NEIL3: variants seen among roughly 807,000 people sequenced by gnomAD.
The protein encoded by NEIL3 is endonuclease 8-like 3.
A neutral mutation model predicts 57.5 loss-of-function variants in NEIL3; 48 were observed. That is an observed-to-expected ratio of 0.83 (90% CI 0.66 to 1.06). The LOEUF (loss-of-function observed/expected upper bound fraction) is 1.06, where lower values mean the gene tolerates loss of function less well. NEIL3 is among the 50% of genes least tolerant of loss of function. The pLI, the probability that NEIL3 is intolerant of heterozygous loss-of-function variation, is 0.00. For missense variants in NEIL3, 717 were observed against 739.1 expected (o/e 0.97, Z 0.35); for synonymous variants, 261 against 253.2 (o/e 1.03, Z -0.29).
chr4:177,310,194 C>A, intron 1 of NEIL3, 85 bp downstream of exon 1: 1 of 1,342,690 alleles, frequency 7.4e-7, no homozygotes, highest in Non-Finnish European at 9.8e-7. Flanking sequence ...TTTAAAGTGT[C>A]ATCTCTTTGC....
At chr4:177,313,537 AT>A (rs1389307044) in intron 1 of NEIL3, among the ~76,000 whole-genome samples, 5 of 152,234 alleles carry the variant, frequency 3.3e-5, no homozygotes, top group Non-Finnish European at 7.4e-5. Context: ...AAGAAACAAT[AT>A]TGGAATATAA....
chr4:177,338,024 T>TCTCACACACA (rs71597499), intron 4 of NEIL3, among the ~76,000 whole-genome samples: 3 of 149,368 alleles, frequency 2.0e-5, no homozygotes, highest in African/African-American at 7.4e-5. Flanking sequence ...TCTCTCTCTC[T>TCTCACACACA]CACACACACA....
At chr4:177,340,987 C>A (rs1422799937) in intron 5 of NEIL3, among the ~76,000 whole-genome samples, 1 of 151,568 alleles carries the variant, frequency 6.6e-6, no homozygotes, top group Non-Finnish European at 1.5e-5. Context: ...AAAAAAAATC[C>A]TTTTTCAGGT....
chr4:177,310,303 G>T (rs1258675323), intron 1 of NEIL3, among the ~76,000 whole-genome samples, 194 bp downstream of exon 1: 2 of 152,224 alleles, frequency 1.3e-5, no homozygotes. Context: ...GGAGAGGAGG[G>T]CTAGCGTTCT....
the NEIL3 span, among the ~76,000 whole-genome samples, chr4:177,368,203 G>A: frequency 6.6e-6 from 1 of 151,952 alleles, no homozygotes; most frequent in Non-Finnish European, 1.5e-5. Context: ...ATGAGATTAT[G>A]GTCATTTTTC....
chr4:177,348,960 C>T (rs1275173372), intron 6 of NEIL3, among the ~76,000 whole-genome samples: 14 of 147,504 alleles, frequency 9.5e-5, no homozygotes, highest in South Asian at 2.2e-4. Flanking sequence ...CTCCGCCTCC[C>T]GGGTTCACGC....
chr4:177,349,104 G>A (rs1486303149), intron 6 of NEIL3, among the ~76,000 whole-genome samples: 1 of 142,786 alleles, frequency 7.0e-6, no homozygotes, highest in African/African-American at 2.6e-5. Context: ...GGATGGTCTC[G>A]ATCTCCTGAC....
At chr4:177,321,388 G>A (rs761310018) in intron 1 of NEIL3, among the ~76,000 whole-genome samples, 8 of 152,016 alleles carry the variant, frequency 5.3e-5, no homozygotes, top group Non-Finnish European at 1.0e-4. Flanking sequence ...AATTACGCAT[G>A]TCTTAAGTTT....
chr4:177,367,294 C>G (rs1273400621), downstream of NEIL3, among the ~76,000 whole-genome samples: 1 of 152,142 alleles, frequency 6.6e-6, no homozygotes, highest in Non-Finnish European at 1.5e-5. Context: ...AGCATGCCAT[C>G]AGCCTCTTGA....
At chr4:177,341,880 C>T (rs1648833429) in intron 6 of NEIL3, among the ~76,000 whole-genome samples, 1 of 152,172 alleles carries the variant, frequency 6.6e-6, no homozygotes, top group Non-Finnish European at 1.5e-5. Flanking sequence ...GGAATAATAT[C>T]TAGCCTTTAC....
chr4:177,327,782 T>A (rs1734811323), intron 2 of NEIL3, among the ~76,000 whole-genome samples: 1 of 152,218 alleles, frequency 6.6e-6, no homozygotes, highest in African/African-American at 2.4e-5. Context: ...AAGTATTTTT[T>A]CTGCATCTAT....
chr4:177,312,696 T>C (rs946881774), intron 1 of NEIL3, among the ~76,000 whole-genome samples: 2 of 152,188 alleles, frequency 1.3e-5, no homozygotes, highest in Non-Finnish European at 2.9e-5. Flanking sequence ...TTTTGATACC[T>C]TGATAGAAAG....
Position 177,322,586 on chromosome 4 carries a change from A to T in NEIL3, c.278+6A>T. ...TTTGGACCAAAAGCTTTACGGTAAGATAAGCCTGTACGATACATCTTATCT... is the reference window on the plus strand; with the variant it reads ...TTTGGACCAAAAGCTTTACGGTAAGTTAAGCCTGTACGATACATCTTATCT... On this transcript the variant is annotated splice_donor_region_variant and intron_variant, in intron 2 of 9. Coordinates refer to ENST00000264596, the MANE Select transcript of NEIL3 (RefSeq NM_018248.3). The T allele has an allele frequency of 6.2e-7, 1 of 1,613,810 alleles. No homozygotes were observed. The highest frequency in any genetic ancestry group is 1.1e-5 in the South Asian group (1 of 91,076).
At chr4:177,345,952 A>G (rs1445672321) in intron 6 of NEIL3, among the ~76,000 whole-genome samples, 4 of 151,918 alleles carry the variant, frequency 2.6e-5, no homozygotes, top group Admixed American at 2.0e-4. Context: ...CGACCTCCCA[A>G]AGTGACAGGA....
At chr4:177,339,911 T>G (rs1444074853) in intron 5 of NEIL3, 54 bp downstream of exon 5, 1 of 1,236,232 alleles carries the variant, frequency 8.1e-7, no homozygotes, top group African/African-American at 1.5e-5. Flanking sequence ...TGGTTTCCTT[T>G]TGGAGTGCAC....
chr4:177,318,814 C>G (rs1734623072), intron 1 of NEIL3, among the ~76,000 whole-genome samples: 1 of 152,142 alleles, frequency 6.6e-6, no homozygotes, highest in Non-Finnish European at 1.5e-5. Context: ...TCTTTTTCTA[C>G]TCTTTTTCCT....
At position 177,341,458 on chromosome 4, in the gene NEIL3, GGT is replaced by G; in HGVS notation, c.703-17_703-16del. On this transcript the variant is annotated splice_polypyrimidine_tract_variant and intron_variant, in intron 5 of 9. Coordinates refer to ENST00000264596, the MANE Select transcript of NEIL3 (RefSeq NM_018248.3). Reference sequence around the variant, plus strand: ...TGTTTTGTGGATAACAGAATTTTTTGGTTTTTTTTTTTTTTAGTGCCGTAAAG... The same window carrying G: ...TGTTTTGTGGATAACAGAATTTTTTGTTTTTTTTTTTTTAGTGCCGTAAAG... 2.1e-6 allele frequency: 3 copies of G among 1,451,836 alleles called. No homozygotes were observed. Among genetic ancestry groups the G allele is most frequent in the Non-Finnish European group, 9.3e-7 (1 of 1,072,840 alleles). The allele number at this position is 1,451,836 out of a possible 1,614,324, so 89.9% of individuals were successfully genotyped here.
intron 1 of NEIL3, among the ~76,000 whole-genome samples, chr4:177,310,324 T>C (rs1032199622): frequency 6.6e-6 from 1 of 152,220 alleles, no homozygotes; most frequent in Non-Finnish European, 1.5e-5. Context: ...GGGCTCACGC[T>C]GCCGGAGCAA....
intron 2 of NEIL3, among the ~76,000 whole-genome samples, chr4:177,325,284 C>G (rs1355204231): frequency 6.6e-6 from 1 of 152,060 alleles, no homozygotes; most frequent in Non-Finnish European, 1.5e-5. Context: ...AACATAGTTT[C>G]TGTACTATCA....
Sources: allele counts gnomAD v4.1 joint callset (sites outside exome capture counted in the v4.1 genomes callset), GRCh38; gene constraint gnomAD v4.1.1; transcripts MANE v1.5; gene names NCBI Gene and HGNC (gene_info 2026-07-23, HGNC 2026-07-21).